LRP1: variants seen among roughly 807,000 people sequenced by gnomAD.
LRP1 encodes the protein LDL receptor related protein 1, also known as prolow-density lipoprotein receptor-related protein 1.
In LRP1, 51 loss-of-function variants were observed where a neutral mutation model predicts 541.5. That is an observed-to-expected ratio of 0.09 (90% CI 0.08 to 0.12). LRP1 has a LOEUF of 0.12. Among genes scored for constraint, LRP1 ranks in the 10% least tolerant of loss-of-function variants. LRP1 has a pLI of 1.00. For synonymous variants in LRP1, 2,219 were observed against 2,470.8 expected (o/e 0.90, Z 3.02); for missense variants, 3,878 against 6,376.2 (o/e 0.61, Z 13.34).
chr12:57,149,027 C>T (rs2035473951), intron 6 of LRP1: 3 of 660,390 alleles, frequency 4.5e-6, no homozygotes, highest in Non-Finnish European at 8.2e-6. Flanking sequence ...AGTGATTTGT[C>T]TAGAGGGGAG....
At position 57,203,252 on chromosome 12, in the gene LRP1, G is replaced by A. The variant is rs750976376; in HGVS notation, c.10783G>A (p.Asp3595Asn). 6.2e-7 allele frequency: 1 copy of A among 1,611,510 alleles called. No homozygotes were observed. The highest frequency in any genetic ancestry group is 8.5e-7 in the Non-Finnish European group (1 of 1,178,762). Residue 3595 changes from aspartate (D) to asparagine (N), a missense_variant, in exon 69 of 89, where the codon GAT (aspartate) becomes AAT (asparagine). Asp to Asn is a conservative substitution (Grantham distance 23, BLOSUM62 1). Transcript: ENST00000243077. Reference protein sequence around the residue: ...GRCIAGRWKCDGDHDCADGSD... With the variant: ...GRCIAGRWKCNGDHDCADGSD... ...CTGCATCGCGGGGCGCTGGAAATGC[G>A]ATGGAGACCACGACTGCGCGGACGG...
chr12:57,210,069 C>T lies in LRP1; in HGVS notation c.12480C>T (p.Cys4160=). The T allele has an allele frequency of 1.2e-6, 2 of 1,613,286 alleles. No individual in the cohort carries two copies. Among genetic ancestry groups the T allele is most frequent in the East Asian group, 2.2e-5 (1 of 44,868 alleles). Residue 4160 remains cysteine, a synonymous_variant, in exon 81 of 89, where the codon TGC becomes TGT. Transcript: ENST00000243077. ...ACCGCAAGAAATGCGAGTGGCTCTGCCTGCTGAGCCCCAGTGGGCCTGTCT... is the reference window on the plus strand; with the variant it reads ...ACCGCAAGAAATGCGAGTGGCTCTGTCTGCTGAGCCCCAGTGGGCCTGTCT... ...PCDRKKCEWL[C]LLSPSGPVCT...
intron 20 of LRP1, among the ~76,000 whole-genome samples, chr12:57,171,270 A>C (rs1009438403): frequency 1.3e-5 from 2 of 152,202 alleles, no homozygotes. Flanking sequence ...TATTGGTAGC[A>C]GTTGTTAACT....
rs553150643 is a variant in LRP1, at chr12:57,150,341, G to A, written c.842-3867G>A. ...CGAGTAGCTAGGACTACAGGTGCCCGCCACCACGCCTGGCTAATTTTTTGT... is the reference window on the plus strand; with the variant it reads ...CGAGTAGCTAGGACTACAGGTGCCCACCACCACGCCTGGCTAATTTTTTGT... On this transcript the variant is annotated intron_variant, in intron 6 of 88. Transcript: ENST00000243077. Among the ~76,000 whole-genome samples, 82 of 152,044 alleles carry A rather than the reference G, an allele frequency of 5.4e-4. 1 individual carries two copies. The highest frequency in any genetic ancestry group is 1.8e-3 in the African/African-American group (76 of 41,434).
At chr12:57,144,890 A>G (rs2035368248) in intron 4 of LRP1, 82 bp from the exon 5 acceptor site, 3 of 1,364,942 alleles carry the variant, frequency 2.2e-6, no homozygotes, top group African/African-American at 1.4e-5. Flanking sequence ...AAGGATGGAC[A>G]TGTTGATCAT....
chr12:57,210,397 C>A lies in LRP1; in HGVS notation c.12671C>A (p.Pro4224His). 6.2e-7 allele frequency: 1 copy of A among 1,606,744 alleles called. No individual in the cohort carries two copies. Among genetic ancestry groups the A allele is most frequent in the Non-Finnish European group, 8.5e-7 (1 of 1,175,634 alleles). ...AGGCAGCCCAAGTGCCGCTGCCAAC[C>A]CCGCTACACGGGTGACAAGTGTGAA... Reference protein sequence around the residue: ...ARRQPKCRCQPRYTGDKCELD... With the variant: ...ARRQPKCRCQHRYTGDKCELD... Residue 4224 changes from proline to histidine, a missense_variant, in exon 82 of 89, where the codon CCC (proline) becomes CAC (histidine). Pro to His is a moderately conservative substitution (Grantham distance 77). Coordinates refer to ENST00000243077, the MANE Select transcript of LRP1 (RefSeq NM_002332.3).
rs1024286387 is a variant in LRP1 at position 57,185,641 on chromosome 12, G to A, written c.6574G>A (p.Ala2192Thr). The change falls in exon 41 of 89, where the codon GCA becomes ACA. Residue 2192 changes from alanine (A) to threonine (T), a missense_variant. By Grantham distance (58) the Ala-to-Thr change is moderately conservative (BLOSUM62 0). Coordinates refer to ENST00000243077, the MANE Select transcript of LRP1 (RefSeq NM_002332.3). The surrounding 1 kb of genome is among the most constrained non-coding windows in gnomAD (Gnocchi z 4.9). ...CAHGMLAEDGASCREYAGYLL... is the reference protein window; with the variant it reads ...CAHGMLAEDGTSCREYAGYLL... ...CCACGGGATGCTGGCTGAAGACGGA[G>A]CATCGTGCCGCGAGTATGCCGGCTA... 3.1e-6 allele frequency: 5 copies of A among 1,612,454 alleles called. No homozygotes were observed. Among genetic ancestry groups the A allele is most frequent in the Non-Finnish European group, 4.2e-6 (5 of 1,179,936 alleles).
At chr12:57,161,221 G>A (rs1425994387) in intron 13 of LRP1, 106 bp downstream of exon 13, 1 of 1,020,648 alleles carries the variant, frequency 9.8e-7, no homozygotes, top group Non-Finnish European at 1.5e-6. Context: ...GTGTGTCCAG[G>A]CCTGTGTGCC....
At chr12:57,203,802 G>C in intron 70 of LRP1, 1 of 443,664 alleles carries the variant, frequency 2.3e-6, no homozygotes, top group Non-Finnish European at 4.0e-6. Flanking sequence ...CCTGAGGGCT[G>C]TGCCCATCTA....
chr12:57,200,634 C>A, intron 63 of LRP1, 65 bp from the exon 64 acceptor site: 6 of 1,542,012 alleles, frequency 3.9e-6, no homozygotes, highest in Non-Finnish European at 5.4e-6. Context: ...GGCTGTGGTG[C>A]CCTGCAAGTG....
chr12:57,135,222 A>G (rs2035132411), intron 1 of LRP1, among the ~76,000 whole-genome samples: 2 of 152,226 alleles, frequency 1.3e-5, no homozygotes. Flanking sequence ...CCCATCGGTC[A>G]GGGAGACCTC....
At chr12:57,208,690 T>G in intron 77 of LRP1, 21 bp from the exon 78 acceptor site, 1 of 1,550,836 alleles carries the variant, frequency 6.4e-7, no homozygotes, top group Non-Finnish European at 8.9e-7. Flanking sequence ...CTGCCCACAC[T>G]CACCCCTTCT....
intron 76 of LRP1, among the ~76,000 whole-genome samples, chr12:57,207,525 C>T (rs564339338): frequency 4.0e-4 from 24 of 59,876 alleles, no homozygotes; most frequent in African/African-American, 1.1e-3. Context: ...AGCGAGACTC[C>T]GTCTCAAAAA....
In LRP1 at chr12:57,173,685, C is replaced by T; in HGVS notation, c.3347-95C>T. The T allele has an allele frequency of 7.4e-7, 1 of 1,353,862 alleles. No individual in the cohort carries two copies. The highest frequency in any genetic ancestry group is 1.4e-5 in the African/African-American group (1 of 69,862). The allele number at this position is 1,353,862 out of a possible 1,614,324, so 83.9% of individuals were successfully genotyped here. A position where few individuals can be genotyped will look rare whatever the true frequency, so the allele number is the denominator to read the frequency against. On this transcript the variant is annotated intron_variant, in intron 21 of 88. Transcript: ENST00000243077. This position sits in a 1 kb window ranked among gnomAD's most constrained non-coding sequence, Gnocchi z 4.7. ...TCGTGGACCCCACAGCGTTGCAATCCTGACCCTATTAGAGAAGCCCACAGG... is the reference window on the plus strand; with the variant it reads ...TCGTGGACCCCACAGCGTTGCAATCTTGACCCTATTAGAGAAGCCCACAGG...
rs1374037074 is a variant in LRP1, at chr12:57,212,680, A to G, written c.*125A>G. 3 of 1,065,586 alleles carry G rather than the reference A, an allele frequency of 2.8e-6. No homozygotes were observed. In the African/African-American group the frequency reaches 4.8e-5, roughly 17 times the overall value. 66.0% of individuals were successfully genotyped at this position (1,065,586 alleles called of 1,614,324 possible). A position where few individuals can be genotyped will look rare whatever the true frequency, so the allele number is the denominator to read the frequency against. On this transcript the variant is annotated 3_prime_UTR_variant, in exon 89 of 89. Transcript: ENST00000243077. This position sits in a 1 kb window ranked among gnomAD's most constrained non-coding sequence, Gnocchi z 5.0. ...GGATGTATAAATGTAAAAATGAAGGAATTACATTTTATATGTGAGCGAGCA... is the reference window on the plus strand; with the variant it reads ...GGATGTATAAATGTAAAAATGAAGGGATTACATTTTATATGTGAGCGAGCA...
intron 60 of LRP1, among the ~76,000 whole-genome samples, chr12:57,198,946 G>A (rs1437234931): frequency 6.6e-6 from 1 of 152,188 alleles, no homozygotes; most frequent in Non-Finnish European, 1.5e-5. Context: ...TGGGAGGCCT[G>A]CGATTGAGAA....
Position 57,177,192 on chromosome 12 carries a change from G to A in LRP1, c.4143G>A (p.Leu1381=). 6.2e-7 allele frequency: 1 copy of A among 1,614,250 alleles called. No homozygotes were observed. Among genetic ancestry groups the A allele is most frequent in the Non-Finnish European group, 8.5e-7 (1 of 1,180,044 alleles). The change falls in exon 25 of 89, where the codon CTG becomes CTA. Residue 1381 remains leucine (L), a synonymous_variant. Coordinates refer to ENST00000243077, the MANE Select transcript of LRP1 (RefSeq NM_002332.3). This position sits in a 1 kb window ranked among gnomAD's most constrained non-coding sequence, Gnocchi z 6.8. The stretch of plus-strand genomic sequence containing the variant: ...TGGATGGGACCCTCCGGACCACCCT[G>A]CTGGCCGGTGACATTGAGCACCCAA... ...AKLDGTLRTT[L]LAGDIEHPRA...
At position 57,212,508 on chromosome 12, in the gene LRP1, C is replaced by T; in HGVS notation, c.13588C>T (p.Leu4530Phe). Reference protein sequence around the residue: ...SLASTDEKRELLGRGPEDEIG... With the variant: ...SLASTDEKREFLGRGPEDEIG... ...GGCCAGCACGGACGAGAAGCGAGAACTCCTGGGCCGGGGCCCTGAGGACGA... is the reference window on the plus strand; with the variant it reads ...GGCCAGCACGGACGAGAAGCGAGAATTCCTGGGCCGGGGCCCTGAGGACGA... The change falls in exon 89 of 89, where the codon CTC becomes TTC. Residue 4530 changes from leucine to phenylalanine, a missense_variant. By Grantham distance (22) the Leu-to-Phe change is conservative. Coordinates refer to ENST00000243077, the MANE Select transcript of LRP1 (RefSeq NM_002332.3). This position sits in a 1 kb window ranked among gnomAD's most constrained non-coding sequence, Gnocchi z 5.0. 2.5e-6 allele frequency: 4 copies of T among 1,613,818 alleles called. No individual in the cohort carries two copies. The highest frequency in any genetic ancestry group is 3.4e-6 in the Non-Finnish European group (4 of 1,179,882).
chr12:57,178,659 C>A lies in LRP1; in HGVS notation c.4606+56C>A. 6.2e-7 allele frequency: 1 copy of A among 1,608,990 alleles called. No homozygotes were observed. Among genetic ancestry groups the A allele is most frequent in the Non-Finnish European group, 8.5e-7 (1 of 1,176,974 alleles). ...AGGGAGCCAGCAGCCTCTTTAGAAG[C>A]TGTAGAAGCTCTTAGGAGAGGAGAG... On this transcript the variant is annotated intron_variant, in intron 27 of 88. Transcript: ENST00000243077. The surrounding 1 kb of genome is among the most constrained non-coding windows in gnomAD (Gnocchi z 5.8).
Sources: allele counts gnomAD v4.1 joint callset (sites outside exome capture counted in the v4.1 genomes callset), GRCh38; gene constraint gnomAD v4.1.1; non-coding constraint Gnocchi (gnomAD v3.1); transcripts MANE v1.5; gene names NCBI Gene and HGNC (gene_info 2026-07-23, HGNC 2026-07-21).